STK32B: variants seen among roughly 807,000 people sequenced by gnomAD.
STK32B encodes serine/threonine kinase 32B, also known as serine/threonine-protein kinase 32B.
STK32B carries 43 observed loss-of-function variants against 52.6 expected under a neutral mutation model. The ratio of observed to expected loss-of-function variants is 0.82; its 90% CI spans 0.64 to 1.05. The LOEUF is 1.05. Ranked by LOEUF, STK32B falls within the 50% of genes least tolerant of loss-of-function variation. STK32B has a pLI of 0.00. For missense variants in STK32B, 621 were observed against 534.6 expected (o/e 1.16, Z -1.59); for synonymous variants, 238 against 204.3 (o/e 1.17, Z -1.41).
chr4:5,359,517 G>A (rs1471685039), intron 4 of STK32B, among the ~76,000 whole-genome samples: 1 of 152,110 alleles, frequency 6.6e-6, no homozygotes, highest in Non-Finnish European at 1.5e-5. Flanking sequence ...TAGTGCATAT[G>A]TTCTAGTGGA....
At chr4:5,496,958 G>C (rs1460492331) in intron 11 of STK32B, among the ~76,000 whole-genome samples, 6 of 152,134 alleles carry the variant, frequency 3.9e-5, no homozygotes, top group Non-Finnish European at 5.9e-5. Context: ...ATAAAGAAAA[G>C]AAATTGTGAG....
intron 3 of STK32B, among the ~76,000 whole-genome samples, chr4:5,176,705 A>C (rs1423294525): frequency 6.6e-6 from 1 of 152,002 alleles, no homozygotes; most frequent in Non-Finnish European, 1.5e-5. Flanking sequence ...CAGCCTCCCA[A>C]AGTACTGGGA....
In STK32B at chr4:5,069,223, C is replaced by T. The variant is rs1227723628; in HGVS notation, c.52+17308C>T. On this transcript the variant is annotated intron_variant, in intron 1 of 11. Coordinates refer to ENST00000282908, the MANE Select transcript of STK32B (RefSeq NM_018401.3). ...TTTTTTTTTTTTTGAGATGGAGTCT[C>T]GCTCTGTCGCCCAGGCTGGGGTACA... 1.4e-4 allele frequency among the ~76,000 whole-genome samples: 20 copies of T among 143,176 alleles called. No individual in the cohort carries two copies. In the East Asian group the frequency reaches 2.3e-3, roughly 16 times the overall value. The allele number at this position is 143,176 out of a possible 152,430, so 93.9% of individuals were successfully genotyped here. A position where few individuals can be genotyped will look rare whatever the true frequency, so the allele number is the denominator to read the frequency against.
chr4:5,116,106 T>G (rs1714698626), intron 1 of STK32B, among the ~76,000 whole-genome samples: 1 of 152,066 alleles, frequency 6.6e-6, no homozygotes, highest in Non-Finnish European at 1.5e-5. Flanking sequence ...TAACATGGTT[T>G]CCATTTATTG....
intron 1 of STK32B, among the ~76,000 whole-genome samples, chr4:5,094,084 A>G (rs1713249936): frequency 1.3e-5 from 2 of 152,168 alleles, no homozygotes; most frequent in South Asian, 4.1e-4. Flanking sequence ...TTTTTGTGAA[A>G]TACCTCTTTA....
intron 1 of STK32B, among the ~76,000 whole-genome samples, chr4:5,124,679 T>C (rs570013833): frequency 6.6e-6 from 1 of 152,182 alleles, no homozygotes; most frequent in Admixed American, 6.5e-5. Context: ...CAAGACTGTG[T>C]GTATGTGTGC....
In STK32B at chr4:5,192,612, G is replaced by A. The variant is rs1577169550; in HGVS notation, c.260+24162G>A. On this transcript the variant is annotated intron_variant, in intron 3 of 11. Coordinates refer to ENST00000282908, the MANE Select transcript of STK32B (RefSeq NM_018401.3). ...AAAGTAGGATTGGCCAATAAACATT[G>A]TATATATTTATGGCATCCAACGTGA... is the stretch of plus-strand genomic sequence containing the variant. Among the ~76,000 whole-genome samples, 3 of 152,236 alleles carry A rather than the reference G, an allele frequency of 2.0e-5. No homozygotes were observed. The South Asian group carries it at 6.2e-4, about 32-fold the overall frequency.
chr4:5,143,308 C>T (rs1291485651), intron 2 of STK32B, among the ~76,000 whole-genome samples: 2 of 152,180 alleles, frequency 1.3e-5, no homozygotes, highest in Admixed American at 1.3e-4. Flanking sequence ...CAAACTGTTT[C>T]ACATGAGTTT....
chr4:5,270,831 A>G (rs887309263), intron 3 of STK32B, among the ~76,000 whole-genome samples: 1 of 152,218 alleles, frequency 6.6e-6, no homozygotes, highest in African/African-American at 2.4e-5. Flanking sequence ...AGATAGTAAA[A>G]CTAATAAGTG....
At chr4:5,308,187 C>G (rs963232024) in intron 3 of STK32B, among the ~76,000 whole-genome samples, 3 of 152,178 alleles carry the variant, frequency 2.0e-5, no homozygotes, top group Non-Finnish European at 2.9e-5. Context: ...GGCTAAAGAG[C>G]TTTCAAGAGA....
intron 2 of STK32B, among the ~76,000 whole-genome samples, chr4:5,155,092 T>C (rs1441499563): frequency 6.8e-6 from 1 of 147,718 alleles, no homozygotes; most frequent in Non-Finnish European, 1.5e-5. Context: ...TATTTCTACC[T>C]CAGAACCTTC....
intron 1 of STK32B, among the ~76,000 whole-genome samples, chr4:5,080,622 A>G (rs1712358984): frequency 1.3e-5 from 2 of 152,180 alleles, no homozygotes; most frequent in Admixed American, 6.5e-5. Context: ...TTAAGCTATT[A>G]TAAGGCAGAT....
At chr4:5,454,230 G>T (rs1013429419) in intron 7 of STK32B, among the ~76,000 whole-genome samples, 1 of 152,264 alleles carries the variant, frequency 6.6e-6, no homozygotes, top group South Asian at 2.1e-4. Context: ...GCTCTGTAGG[G>T]CTGCTGTTCA....
rs1737058573 is a variant in STK32B, at chr4:5,398,346, A to G, written c.472+102A>G. ...GTTGGGTCTTGCTGAGTTGGACATT[A>G]GCATTGGCTAGAAACCTTCTCTTGT... On this transcript the variant is annotated intron_variant, in intron 5 of 11. Transcript: ENST00000282908. This position sits in a 1 kb window ranked among gnomAD's most constrained non-coding sequence, Gnocchi z 4.9. The G allele has an allele frequency of 8.2e-7, 1 of 1,213,910 alleles. No homozygotes were observed. The allele number at this position is 1,213,910 out of a possible 1,614,324, so 75.2% of individuals were successfully genotyped here. A position where few individuals can be genotyped will look rare whatever the true frequency, so the allele number is the denominator to read the frequency against.
chr4:5,413,076 C>A (rs1281512262), intron 5 of STK32B, among the ~76,000 whole-genome samples: 2 of 152,144 alleles, frequency 1.3e-5, no homozygotes, highest in African/African-American at 4.8e-5. Context: ...ACCCTGTTGA[C>A]AGCTTGCTTT....
At chr4:5,234,594 T>C (rs1724501823) in intron 3 of STK32B, among the ~76,000 whole-genome samples, 1 of 152,280 alleles carries the variant, frequency 6.6e-6, no homozygotes, top group Admixed American at 6.5e-5. Flanking sequence ...TTTTTATTTC[T>C]GTATTATAAG....
intron 1 of STK32B, among the ~76,000 whole-genome samples, chr4:5,052,238 C>T (rs144792537): frequency 1.3e-5 from 2 of 152,184 alleles, no homozygotes; most frequent in East Asian, 3.9e-4. Flanking sequence ...CGGGATGGTT[C>T]TAGGCTCGGG....
intron 3 of STK32B, among the ~76,000 whole-genome samples, chr4:5,179,579 A>AATAAATAGATGATAG (rs1324781931): frequency 6.6e-6 from 1 of 152,214 alleles, no homozygotes; most frequent in African/African-American, 2.4e-5. Context: ...ATAGATGATT[A>AATAAATAGATGATAG]ATAAATAGAT....
intron 3 of STK32B, among the ~76,000 whole-genome samples, chr4:5,271,196 A>G (rs1325113687): frequency 1.3e-5 from 2 of 152,224 alleles, no homozygotes; most frequent in African/African-American, 2.4e-5. Flanking sequence ...TTGACCTCCC[A>G]AAGTGCTGGG....
Sources: allele counts gnomAD v4.1 joint callset (sites outside exome capture counted in the v4.1 genomes callset), GRCh38; gene constraint gnomAD v4.1.1; non-coding constraint Gnocchi (gnomAD v3.1); transcripts MANE v1.5; gene names NCBI Gene and HGNC (gene_info 2026-07-23, HGNC 2026-07-21).